Variants in EBF4 observed in about 807,000 individuals in gnomAD.
EBF4 encodes the protein EBF transcription factor 4, also known as transcription factor COE4.
EBF4 carries 34 observed loss-of-function variants against 67.1 expected under a neutral mutation model. The ratio of observed to expected loss-of-function variants is 0.51; its 90% CI spans 0.39 to 0.67. The LOEUF is 0.67. EBF4 is among the 30% of genes least tolerant of loss of function. EBF4 has a pLI of 0.00. For synonymous variants in EBF4, 387 were observed against 377.7 expected (o/e 1.02, Z -0.29); for missense variants, 837 against 873.3 (o/e 0.96, Z 0.52).
In EBF4 at chr20:2,707,167, G is replaced by C. The variant is rs771698277; in HGVS notation, c.415-780G>C. ...CAGAGGGAAGAATGGTTTGTTTCTA[G>C]AATACCCATGGCCACTGGGCTGGGG... On this transcript the variant is annotated intron_variant, in intron 4 of 16. Coordinates refer to ENST00000609451, the Ensembl canonical transcript of EBF4. This position sits in a 1 kb window ranked among gnomAD's most constrained non-coding sequence, Gnocchi z 4.6. Among the ~76,000 whole-genome samples, 4 of 152,140 alleles carry C rather than the reference G, an allele frequency of 2.6e-5. No individual in the cohort carries two copies. The highest frequency in any genetic ancestry group is 9.7e-5 in the African/African-American group (4 of 41,422).
intron 6 of EBF4, among the ~76,000 whole-genome samples, chr20:2,736,176 G>A (rs1004901264): frequency 1.3e-5 from 2 of 152,126 alleles, no homozygotes; most frequent in African/African-American, 4.8e-5. Flanking sequence ...TGTGGCAGGG[G>A]TAGGGAAACA....
At chr20:2,724,015 A>G (rs1463872903) in intron 6 of EBF4, among the ~76,000 whole-genome samples, 1 of 152,220 alleles carries the variant, frequency 6.6e-6, no homozygotes, top group Non-Finnish European at 1.5e-5. Flanking sequence ...AATTTACTAC[A>G]TATTCTTAAG....
chr20:2,758,137 A>G (rs1459555089), intron 15 of EBF4, among the ~76,000 whole-genome samples: 1 of 152,186 alleles, frequency 6.6e-6, no homozygotes, highest in Non-Finnish European at 1.5e-5. Context: ...AGAGCAATAA[A>G]CTTGTAACCT....
At chr20:2,750,883 C>A (rs1185722485) in intron 10 of EBF4, among the ~76,000 whole-genome samples, 2 of 152,104 alleles carry the variant, frequency 1.3e-5, no homozygotes, top group Non-Finnish European at 2.9e-5. Flanking sequence ...TGATAAGGAC[C>A]GATCCCCAGA....
At chr20:2,744,503 T>TTTTTTTTTTTTTTTTTG (rs2088020869) in intron 6 of EBF4, among the ~76,000 whole-genome samples, 1 of 141,864 alleles carries the variant, frequency 7.0e-6, no homozygotes, top group African/African-American at 2.7e-5. Flanking sequence ...TTTTTTTTTT[T>TTTTTTTTTTTTTTTTTG]TTTTTTGAGA....
At chr20:2,716,460 C>T (rs888878473) in intron 6 of EBF4, among the ~76,000 whole-genome samples, 14 of 147,712 alleles carry the variant, frequency 9.5e-5, no homozygotes, top group East Asian at 8.1e-4. Flanking sequence ...ACTCAGGAGG[C>T]GGAGGTTGTG....
chr20:2,719,868 T>C (rs1273262593), intron 6 of EBF4, among the ~76,000 whole-genome samples: 2 of 152,230 alleles, frequency 1.3e-5, no homozygotes, highest in African/African-American at 4.8e-5. Context: ...ATTCTGTTGT[T>C]ATTGCGTGAA....
intron 6 of EBF4, among the ~76,000 whole-genome samples, chr20:2,710,299 C>G (rs1473809136): frequency 6.6e-6 from 1 of 152,078 alleles, no homozygotes; most frequent in Non-Finnish European, 1.5e-5. Flanking sequence ...CAAGGACACG[C>G]CTCCACACCT....
rs988914784 is a variant in EBF4 at position 2,747,481 on chromosome 20, C to T, written c.558-1068C>T. 2.6e-5 allele frequency among the ~76,000 whole-genome samples: 4 copies of T among 152,080 alleles called. No individual in the cohort carries two copies. Among genetic ancestry groups the T allele is most frequent in the African/African-American group, 4.8e-5 (2 of 41,382 alleles). Reference sequence around the variant, plus strand: ...TTTGTCTAAAAAGCAACCTCATCAGCGCATATGTGTTTTTTTCCCAATAAC... The same window carrying T: ...TTTGTCTAAAAAGCAACCTCATCAGTGCATATGTGTTTTTTTCCCAATAAC... On this transcript the variant is annotated intron_variant, in intron 6 of 16. Transcript: ENST00000609451. The surrounding 1 kb of genome is among the most constrained non-coding windows in gnomAD (Gnocchi z 4.6).
chr20:2,713,170 G>A (rs1460726999), intron 6 of EBF4, among the ~76,000 whole-genome samples: 1 of 152,144 alleles, frequency 6.6e-6, no homozygotes, highest in Non-Finnish European at 1.5e-5. Flanking sequence ...GGGAAAATGA[G>A]GATGCAAGAG....
At chr20:2,723,797 A>C (rs1469112495) in intron 6 of EBF4, among the ~76,000 whole-genome samples, 2 of 151,450 alleles carry the variant, frequency 1.3e-5, no homozygotes, top group Admixed American at 6.6e-5. Flanking sequence ...TATATCTTTA[A>C]TATGTACAAT....
rs776947388 is a variant in EBF4 at position 2,706,274 on chromosome 20, C to A, written c.414+10C>A. 5.8e-6 allele frequency: 9 copies of A among 1,551,696 alleles called. No homozygotes were observed. The highest frequency in any genetic ancestry group is 2.6e-6 in the Non-Finnish European group (3 of 1,147,082). ...CTCCATGTCCAAACAGGTGAGTCAG[C>A]GCAGAGGGTGCTGAGGCCCATCTCA... On this transcript the variant is annotated intron_variant, in intron 4 of 16. Coordinates refer to ENST00000609451, the Ensembl canonical transcript of EBF4.
chr20:2,724,622 A>C (rs1304864827), intron 6 of EBF4, among the ~76,000 whole-genome samples: 1 of 152,198 alleles, frequency 6.6e-6, no homozygotes, highest in East Asian at 1.9e-4. Flanking sequence ...AAAGTCCAGC[A>C]TGCCAGGCAT....
Position 2,755,622 on chromosome 20 carries a change from CGGAGT to C in EBF4, c.1541-4_1541del. ...GCGCCTGCCCCTCCCCGCCCCGCCC[CGGAGT>C]CATGCCCTCTAGCCCCCCGCTGGCG... On this transcript the variant is annotated splice_acceptor_variant and splice_polypyrimidine_tract_variant and coding_sequence_variant and intron_variant, in exon 15 of 17. Transcript: ENST00000609451. LOFTEE classifies it high-confidence loss of function. This position sits in a 1 kb window ranked among gnomAD's most constrained non-coding sequence, Gnocchi z 4.7. 1 of 1,439,268 alleles carries C rather than the reference CGGAGT, an allele frequency of 6.9e-7. No homozygotes were observed. The highest frequency in any genetic ancestry group is 1.2e-5 in the South Asian group (1 of 81,594). 89.2% of individuals were successfully genotyped at this position (1,439,268 alleles called of 1,614,324 possible).
intron 6 of EBF4, among the ~76,000 whole-genome samples, chr20:2,741,407 C>T (rs2087966745): frequency 6.6e-6 from 1 of 152,192 alleles, no homozygotes; most frequent in Non-Finnish European, 1.5e-5. Flanking sequence ...CACTTGCCTT[C>T]TCTACTGAGT....
At chr20:2,729,413 C>T (rs11697324) in intron 6 of EBF4, among the ~76,000 whole-genome samples, 19,379 of 152,212 alleles carry the variant, frequency 0.13, 1,415 homozygotes, top group East Asian at 0.29. Context: ...TTTCCCCAGC[C>T]TCTTGCTGAT....
At chr20:2,729,922 A>C (rs779564766) in intron 6 of EBF4, among the ~76,000 whole-genome samples, 2 of 152,210 alleles carry the variant, frequency 1.3e-5, no homozygotes, top group Non-Finnish European at 2.9e-5. Flanking sequence ...ACTGGAGTCC[A>C]ACCTCCAGCC....
intron 6 of EBF4, among the ~76,000 whole-genome samples, chr20:2,714,953 A>G (rs996703577): frequency 6.6e-6 from 1 of 152,186 alleles, no homozygotes; most frequent in African/African-American, 2.4e-5. Context: ...TCTTGTTACT[A>G]TATCCTATAT....
Position 2,745,318 on chromosome 20 carries a change from ACTATGTGCTAG to A in EBF4, c.558-3228_558-3218del, listed in dbSNP as rs1308346805. Among the ~76,000 whole-genome samples the A allele has an allele frequency of 6.6e-6, 1 of 152,154 alleles. No individual in the cohort carries two copies. Among genetic ancestry groups the A allele is most frequent in the Non-Finnish European group, 1.5e-5 (1 of 68,020 alleles). ...TTCAGCCACACCATGGATGGTTTCG[ACTATGTGCTAG>A]CTCTGAGGACAGGCCCAAAGGGAAG... is the stretch of plus-strand genomic sequence containing the variant. On this transcript the variant is annotated intron_variant, in intron 6 of 16. Transcript: ENST00000609451. This position sits in a 1 kb window ranked among gnomAD's most constrained non-coding sequence, Gnocchi z 5.2.
Sources: gnomAD v4.1 joint callset for allele counts (sites outside exome capture counted in the v4.1 genomes callset) on GRCh38, gnomAD v4.1.1 for gene constraint, Gnocchi (gnomAD v3.1) non-coding constraint, MANE v1.5 for transcripts, NCBI Gene and HGNC (gene_info 2026-07-23, HGNC 2026-07-21) for gene names.